Variants in EPS15L1 observed in about 807,000 individuals in gnomAD.
EPS15L1 encodes the protein epidermal growth factor receptor pathway substrate 15 like 1, also known as epidermal growth factor receptor substrate 15-like 1.
EPS15L1 carries 43 observed loss-of-function variants against 117.1 expected under a neutral mutation model. That is an observed-to-expected ratio of 0.37 (90% CI 0.29 to 0.47). The LOEUF (loss-of-function observed/expected upper bound fraction) is 0.47. Ranked by LOEUF, EPS15L1 falls within the 20% of genes least tolerant of loss-of-function variation. The pLI is 0.99. For missense variants in EPS15L1, 981 were observed against 1,164.0 expected (o/e 0.84, Z 2.29); for synonymous variants, 459 against 470.5 (o/e 0.98, Z 0.32).
chr19:16,412,771 G>A, intron 13 of EPS15L1: 1 of 383,560 alleles, frequency 2.6e-6, no homozygotes, highest in South Asian at 2.2e-5. Flanking sequence ...CTTCCACGGA[G>A]GTTTCAGCAG....
In EPS15L1 at chr19:16,403,245, G is replaced by C. The variant is rs76056475; in HGVS notation, c.1626+488C>G. ...AGAAGCCAGCGCCCCCCCCTGGACT[G>C]GGAAGAGGGTGGGGGCGTCCCAGGC... On this transcript the variant is annotated intron_variant, in intron 15 of 23. Coordinates refer to ENST00000455140, the MANE Select transcript of EPS15L1 (RefSeq NM_001258374.3). Among the ~76,000 whole-genome samples the C allele has an allele frequency of 4.9e-3, 752 of 152,302 alleles. 9 individuals are homozygous for C. Among genetic ancestry groups the C allele is most frequent in the African/African-American group, 0.017 (727 of 41,544 alleles).
intron 6 of EPS15L1, among the ~76,000 whole-genome samples, chr19:16,435,812 A>G (rs1191351339): frequency 2.0e-5 from 3 of 152,114 alleles, no homozygotes; most frequent in South Asian, 2.1e-4. Context: ...CGACCACAGT[A>G]CACCCCAATT....
intron 1 of EPS15L1, among the ~76,000 whole-genome samples, chr19:16,460,810 C>T (rs2093241529): frequency 6.6e-6 from 1 of 152,218 alleles, no homozygotes; most frequent in South Asian, 2.1e-4. Flanking sequence ...ACAAACAGTG[C>T]CATTTGTAGG....
chr19:16,394,449 C>T (rs760078743), intron 17 of EPS15L1, among the ~76,000 whole-genome samples: 1 of 152,162 alleles, frequency 6.6e-6, no homozygotes, highest in South Asian at 2.1e-4. Flanking sequence ...CTGCCAGATT[C>T]GCCTCTCAGA....
At chr19:16,420,237 G>A (rs1012231828) in intron 10 of EPS15L1, among the ~76,000 whole-genome samples, 1 of 152,196 alleles carries the variant, frequency 6.6e-6, no homozygotes, top group African/African-American at 2.4e-5. Context: ...TGATCCAGGT[G>A]GATTAGTGAT....
intron 15 of EPS15L1, among the ~76,000 whole-genome samples, chr19:16,403,230 G>GC (rs143206632): frequency 0.012 from 1,798 of 151,656 alleles, 34 homozygotes; most frequent in African/African-American, 0.041. Flanking sequence ...AGAAGCCAGC[G>GC]CCCCCCCCTG....
chr19:16,380,642 G>GT (rs2092350961), intron 21 of EPS15L1, among the ~76,000 whole-genome samples: 1 of 152,170 alleles, frequency 6.6e-6, no homozygotes, highest in African/African-American at 2.4e-5. Flanking sequence ...GACACATCCA[G>GT]TCACACTGAC....
At chr19:16,467,541 C>A (rs1468788633) in intron 1 of EPS15L1, among the ~76,000 whole-genome samples, 48 of 147,370 alleles carry the variant, frequency 3.3e-4, no homozygotes, top group African/African-American at 6.7e-4. Context: ...ACAACAAAAA[C>A]AAAAAAAAAA....
chr19:16,461,798 G>A (rs758889629), intron 1 of EPS15L1, among the ~76,000 whole-genome samples: 2 of 152,198 alleles, frequency 1.3e-5, no homozygotes, highest in Non-Finnish European at 2.9e-5. Flanking sequence ...TGCTGTCACC[G>A]GCCAGTGGGC....
intron 1 of EPS15L1, among the ~76,000 whole-genome samples, chr19:16,450,743 A>G (rs1171773800): frequency 6.6e-6 from 1 of 151,612 alleles, no homozygotes; most frequent in Non-Finnish European, 1.5e-5. Context: ...TCAGCCTCCC[A>G]AAGTGCTGGG....
intron 22 of EPS15L1, among the ~76,000 whole-genome samples, chr19:16,364,103 G>A (rs1730032941): frequency 6.6e-6 from 1 of 152,228 alleles, no homozygotes; most frequent in South Asian, 2.1e-4. Flanking sequence ...AGGGTTGGAG[G>A]GCGAGCTGTC....
intron 6 of EPS15L1, 151 bp from the exon 7 acceptor site, chr19:16,434,641 C>G (rs2092961477): frequency 1.2e-6 from 1 of 803,578 alleles, no homozygotes; most frequent in African/African-American, 1.7e-5. Flanking sequence ...AGTCTTGGCC[C>G]CTTGGTTTCC....
chr19:16,440,269 C>T (rs2093018044), intron 4 of EPS15L1, among the ~76,000 whole-genome samples: 1 of 151,874 alleles, frequency 6.6e-6, no homozygotes, highest in African/African-American at 2.4e-5. Flanking sequence ...ACTATCTCTA[C>T]TAAAAATACA....
chr19:16,371,043 G>C lies in EPS15L1; in HGVS notation c.2380+6079C>G, dbSNP rs922453667. Among the ~76,000 whole-genome samples, 4 of 152,222 alleles carry C rather than the reference G, an allele frequency of 2.6e-5. No homozygotes were observed. The highest frequency in any genetic ancestry group is 9.6e-5 in the African/African-American group (4 of 41,456). ...ACCGGATTATCTCTCTGAGATCATC[G>C]TGGGAACGAAATTGAAGTAGTTAAG... On this transcript the variant is annotated intron_variant, in intron 22 of 23. Transcript: ENST00000455140. This position sits in a 1 kb window ranked among gnomAD's most constrained non-coding sequence, Gnocchi z 4.7.
Position 16,404,538 on chromosome 19 carries a change from A to G in EPS15L1, c.1428+50T>C. The G allele has an allele frequency of 6.2e-7, 1 of 1,602,464 alleles. No individual in the cohort carries two copies. Among genetic ancestry groups the G allele is most frequent in the Non-Finnish European group, 8.5e-7 (1 of 1,172,330 alleles). ...ACACGAGCTCAGGGGAGTCCTTGGG[A>G]AGCCCCTGCCTGTGCATAGGGCGCT... On this transcript the variant is annotated intron_variant, in intron 14 of 23. Coordinates refer to ENST00000455140, the MANE Select transcript of EPS15L1 (RefSeq NM_001258374.3). This position sits in a 1 kb window ranked among gnomAD's most constrained non-coding sequence, Gnocchi z 4.2.
chr19:16,362,592 T>C (rs1448114412), intron 22 of EPS15L1, among the ~76,000 whole-genome samples: 1 of 142,712 alleles, frequency 7.0e-6, no homozygotes, highest in Non-Finnish European at 1.5e-5. Context: ...GGTGCAATCA[T>C]GGCTTATTGC....
chr19:16,455,488 T>TA (rs1190067378), intron 1 of EPS15L1, among the ~76,000 whole-genome samples: 1 of 152,246 alleles, frequency 6.6e-6, no homozygotes, highest in Admixed American at 6.5e-5. Flanking sequence ...CTCGATGCAC[T>TA]GCCCTGTGGA....
rs747504263 is a variant in EPS15L1 at position 16,380,127 on chromosome 19, C to T, written c.2248-2873G>A. On this transcript the variant is annotated intron_variant, in intron 21 of 23. Transcript: ENST00000455140. ...ACACAGATGCGGCCGTCTAAGGCTC[C>T]GGCATCTAGTCGCACAGACGCAGCC... 6.0e-5 allele frequency among the ~76,000 whole-genome samples: 9 copies of T among 150,854 alleles called. No homozygotes were observed. The South Asian group carries it at 6.3e-4, about 11-fold the overall frequency.
intron 1 of EPS15L1, among the ~76,000 whole-genome samples, chr19:16,465,667 G>A (rs891926951): frequency 6.6e-6 from 1 of 152,114 alleles, no homozygotes; most frequent in African/African-American, 2.4e-5. Flanking sequence ...AGGCAATAGA[G>A]CAAGAGCCTG....
Sources: gnomAD v4.1 joint callset for allele counts (sites outside exome capture counted in the v4.1 genomes callset) on GRCh38, gnomAD v4.1.1 for gene constraint, Gnocchi (gnomAD v3.1) non-coding constraint, MANE v1.5 for transcripts, NCBI Gene and HGNC (gene_info 2026-07-23, HGNC 2026-07-21) for gene names.